Variants in GRIN2A observed in about 807,000 individuals in gnomAD.
GRIN2A encodes the protein glutamate ionotropic receptor NMDA type subunit 2A, also known as glutamate receptor ionotropic, NMDA 2A.
A neutral mutation model predicts 113.4 loss-of-function variants in GRIN2A; 22 were observed. The ratio of observed to expected loss-of-function variants is 0.19; its 90% CI spans 0.14 to 0.28. The LOEUF is 0.28. Ranked by LOEUF, GRIN2A falls within the 10% of genes least tolerant of loss-of-function variation. GRIN2A has a pLI of 1.00. For missense variants in GRIN2A, 1,502 were observed against 1,887.0 expected, an observed-to-expected ratio of 0.80 and a Z score of 3.78; for synonymous variants, 827 against 738.4, an observed-to-expected ratio of 1.12 and a Z score of -1.94.
intron 2 of GRIN2A, among the ~76,000 whole-genome samples, chr16:10,034,457 G>A (rs904414943): frequency 7.3e-5 from 11 of 150,620 alleles, no homozygotes; most frequent in Admixed American, 1.3e-4. Context: ...CCCAGGAGGC[G>A]GAGGTTGCAG....
intron 7 of GRIN2A, among the ~76,000 whole-genome samples, chr16:9,837,488 G>A (rs2042601755): frequency 6.6e-6 from 1 of 152,064 alleles, no homozygotes. Flanking sequence ...CAAGCCAATT[G>A]ATATTTTTTT....
intron 11 of GRIN2A, among the ~76,000 whole-genome samples, chr16:9,771,135 T>C (rs973495020): frequency 2.0e-5 from 3 of 152,112 alleles, no homozygotes; most frequent in East Asian, 1.9e-4. Context: ...GCCACTCTCA[T>C]AGGGATGTAG....
intron 2 of GRIN2A, among the ~76,000 whole-genome samples, chr16:10,143,176 G>T (rs1027655184): frequency 6.6e-6 from 1 of 152,160 alleles, no homozygotes; most frequent in African/African-American, 2.4e-5. Flanking sequence ...TCCAGGCACT[G>T]ACTAACTCTG....
chr16:10,112,822 T>C (rs2048645483), intron 2 of GRIN2A: 1 of 641,904 alleles, frequency 1.6e-6, no homozygotes, highest in African/African-American at 1.8e-5. Context: ...AAGTGGACCA[T>C]GTCAGCCCAG....
intron 2 of GRIN2A, among the ~76,000 whole-genome samples, chr16:10,171,178 G>C (rs2050034083): frequency 6.6e-6 from 1 of 152,144 alleles, no homozygotes; most frequent in Non-Finnish European, 1.5e-5. Context: ...TAAAATAAGA[G>C]CAAAAGAATA....
At chr16:10,059,832 G>C (rs543316082) in intron 2 of GRIN2A, among the ~76,000 whole-genome samples, 3 of 152,058 alleles carry the variant, frequency 2.0e-5, no homozygotes, top group Non-Finnish European at 4.4e-5. Flanking sequence ...TCGTGAATGA[G>C]TTAAGACCCA....
At chr16:9,790,639 G>A (rs1902551254) in intron 11 of GRIN2A, among the ~76,000 whole-genome samples, 1 of 152,160 alleles carries the variant, frequency 6.6e-6, no homozygotes, top group Non-Finnish European at 1.5e-5. Flanking sequence ...ACAGAGGTAA[G>A]ATGCCTGGGA....
At chr16:9,967,935 G>A (rs182138074) in intron 2 of GRIN2A, among the ~76,000 whole-genome samples, 1 of 152,228 alleles carries the variant, frequency 6.6e-6, no homozygotes, top group East Asian at 1.9e-4. Flanking sequence ...TAATGCATTA[G>A]GAGGCAAAGA....
chr16:9,874,807 T>C (rs1342033292), intron 4 of GRIN2A, among the ~76,000 whole-genome samples: 2 of 151,972 alleles, frequency 1.3e-5, no homozygotes, highest in African/African-American at 4.8e-5. Context: ...GGATCAAGGC[T>C]GGGCACGGTA....
intron 11 of GRIN2A, among the ~76,000 whole-genome samples, chr16:9,769,987 C>T (rs757574771): frequency 6.6e-6 from 1 of 152,174 alleles, no homozygotes; most frequent in African/African-American, 2.4e-5. Context: ...TACCCACCCC[C>T]CAACTTCAGT....
intron 12 of GRIN2A, among the ~76,000 whole-genome samples, chr16:9,767,049 C>T (rs1202837032): frequency 6.6e-6 from 1 of 152,216 alleles, no homozygotes; most frequent in East Asian, 1.9e-4. Context: ...CAACAGTGTG[C>T]ATTTGTTTGG....
intron 2 of GRIN2A, among the ~76,000 whole-genome samples, chr16:9,979,244 T>C (rs72772166): frequency 0.11 from 16,950 of 152,188 alleles, 1,187 homozygotes; most frequent in African/African-American, 0.18. Context: ...CTCAGTTGCC[T>C]TATCTGTGAA....
At chr16:10,092,558 C>T (rs1207433088) in intron 2 of GRIN2A, among the ~76,000 whole-genome samples, 2 of 152,156 alleles carry the variant, frequency 1.3e-5, no homozygotes, top group Non-Finnish European at 2.9e-5. Context: ...TAATAAGTAA[C>T]TCTTATAGAC....
intron 2 of GRIN2A, among the ~76,000 whole-genome samples, chr16:9,959,052 G>A (rs1044899062): frequency 2.6e-5 from 4 of 152,162 alleles, no homozygotes; most frequent in Non-Finnish European, 5.9e-5. Context: ...TCCCTTTTAA[G>A]TCACTGAACA....
intron 11 of GRIN2A, among the ~76,000 whole-genome samples, chr16:9,783,960 G>C (rs1019851293): frequency 2.6e-5 from 4 of 151,994 alleles, no homozygotes; most frequent in Non-Finnish European, 1.5e-5. Flanking sequence ...CACACACTGG[G>C]GCCTAATGGA....
intron 10 of GRIN2A, among the ~76,000 whole-genome samples, chr16:9,812,930 G>A (rs911112342): frequency 3.3e-5 from 5 of 152,074 alleles, no homozygotes; most frequent in African/African-American, 9.7e-5. Flanking sequence ...TGAATTGTGC[G>A]GTAATCCAAG....
intron 11 of GRIN2A, among the ~76,000 whole-genome samples, chr16:9,795,812 A>G (rs778489171): frequency 1.3e-5 from 2 of 152,242 alleles, no homozygotes; most frequent in Non-Finnish European, 2.9e-5. Context: ...GGGACAGTAG[A>G]TTTAGTTCAG....
rs995480503 is a variant in GRIN2A at position 9,761,344 on chromosome 16, C to G, written c.*1805G>C. ...TAATTTTTCAACCTGCCACTTTATCCCTTTCTTCAAGAATGTAAAGCAGAA... is the reference window on the plus strand; with the variant it reads ...TAATTTTTCAACCTGCCACTTTATCGCTTTCTTCAAGAATGTAAAGCAGAA... On this transcript the variant is annotated 3_prime_UTR_variant, in exon 13 of 13. Transcript: ENST00000330684. 3 of 229,322 alleles carry G rather than the reference C, an allele frequency of 1.3e-5. No individual in the cohort carries two copies. Among genetic ancestry groups the G allele is most frequent in the Non-Finnish European group, 2.6e-5 (3 of 115,728 alleles). 14.2% of individuals were successfully genotyped at this position (229,322 alleles called of 1,614,324 possible). A position where few individuals can be genotyped will look rare whatever the true frequency, so the allele number is the denominator to read the frequency against.
At chr16:10,127,970 A>ACATAG (rs1206745041) in intron 2 of GRIN2A, among the ~76,000 whole-genome samples, 2 of 152,184 alleles carry the variant, frequency 1.3e-5, no homozygotes, top group Non-Finnish European at 2.9e-5. Flanking sequence ...GCTTAGAATC[A>ACATAG]CATAGCATGA....
Sources: allele counts gnomAD v4.1 joint callset (sites outside exome capture counted in the v4.1 genomes callset), GRCh38; gene constraint gnomAD v4.1.1; transcripts MANE v1.5; gene names NCBI Gene and HGNC (gene_info 2026-07-23, HGNC 2026-07-21).